The following LGR4 variants were observed in gnomAD, a reference collection of about 807,000 sequenced individuals.
LGR4 encodes the protein leucine-rich repeat-containing G protein-coupled receptor 4.
LGR4 carries 44 observed loss-of-function variants against 84.8 expected under a neutral mutation model. The observed-to-expected ratio is 0.52, with a 90% CI of 0.41 to 0.67. The LOEUF (loss-of-function observed/expected upper bound fraction) is 0.67. LGR4 is among the 30% of genes least tolerant of loss of function. The probability of loss-of-function intolerance (pLI) is 0.00; values close to 1 mark genes in which losing one functional copy is unlikely to be tolerated. For missense variants in LGR4, 1,032 were observed against 1,131.4 expected (o/e 0.91, Z 1.26); for synonymous variants, 429 against 434.3 (o/e 0.99, Z 0.15).
rs1268530128 is a variant in LGR4 at position 27,368,428 on chromosome 11, A to G, written c.2295T>C (p.Phe765=). 6.2e-7 allele frequency: 1 copy of G among 1,614,224 alleles called. No individual in the cohort carries two copies. The highest frequency in any genetic ancestry group is 2.2e-5 in the East Asian group (1 of 44,888). The change falls in exon 18 of 18, where the codon TTT becomes TTC. Residue 765 remains phenylalanine (F), a synonymous_variant. Coordinates refer to ENST00000379214, the MANE Select transcript of LGR4 (RefSeq NM_018490.5). ...CAGTGATCAATGGTGCAAATGAAAA[A>G]AACGCCACAGGGCAGAAAAAGATGC... ...TNCIFFCPVA[F]FSFAPLITAI...
intron 4 of LGR4, 103 bp downstream of exon 4, chr11:27,390,991 A>G: frequency 1.4e-6 from 1 of 694,556 alleles, no homozygotes; most frequent in Non-Finnish European, 2.4e-6. Context: ...TTTTTATCTC[A>G]GATGAAAGGA....
intron 1 of LGR4, among the ~76,000 whole-genome samples, chr11:27,460,297 C>T (rs1864657970): frequency 6.6e-6 from 1 of 152,086 alleles, no homozygotes; most frequent in Non-Finnish European, 1.5e-5. Flanking sequence ...GTCATTGCAG[C>T]AGTGTTTGGC....
At chr11:27,447,196 A>T (rs114997637) in intron 1 of LGR4, among the ~76,000 whole-genome samples, 6,945 of 151,994 alleles carry the variant, frequency 0.046, 375 homozygotes, top group African/African-American at 0.13. Context: ...ATAATAATAA[A>T]AAAAAGCGCT....
intron 2 of LGR4, among the ~76,000 whole-genome samples, chr11:27,393,762 G>A (rs1215795075): frequency 1.3e-5 from 2 of 151,754 alleles, no homozygotes; most frequent in Admixed American, 1.3e-4. Context: ...CTGATTTTAG[G>A]GATACAAGAA....
At chr11:27,434,108 C>T (rs1864165136) in intron 1 of LGR4, among the ~76,000 whole-genome samples, 1 of 152,230 alleles carries the variant, frequency 6.6e-6, no homozygotes, top group African/African-American at 2.4e-5. Flanking sequence ...TACTATCCTA[C>T]ATATACTAGG....
chr11:27,384,336 A>G lies in LGR4; in HGVS notation c.689T>C (p.Leu230Ser). 1 of 1,589,890 alleles carries G rather than the reference A, an allele frequency of 6.3e-7. No individual in the cohort carries two copies. Among genetic ancestry groups the G allele is most frequent in the Non-Finnish European group, 8.6e-7 (1 of 1,159,368 alleles). Reference protein sequence around the residue: ...CFDGLDNLETLDLNYNNLGEF... With the variant: ...CFDGLDNLETSDLNYNNLGEF... ...TTGCCCAAAATATGAATATACTTAC[A>G]AGGTCTCCAGGTTATCTAGTCCATC... Residue 230 changes from leucine (L) to serine (S), a missense_variant and splice_region_variant, in exon 6 of 18, where the codon TTA becomes TCA. Leu to Ser is a moderately radical substitution (Grantham distance 145). Transcript: ENST00000379214.
rs1862793904 is a variant in LGR4, at chr11:27,367,771, A to T, written c.*96T>A. On this transcript the variant is annotated 3_prime_UTR_variant, in exon 18 of 18. Transcript: ENST00000379214. ...TTCTTCTAAGTGACACCAGGCAGTG[A>T]TTACAGAAGTGCTTCCCAGATGAAA... 1.1e-6 allele frequency: 1 copy of T among 870,028 alleles called. No homozygotes were observed. The highest frequency in any genetic ancestry group is 2.5e-5 in the East Asian group (1 of 40,602). 53.9% of individuals were successfully genotyped at this position (870,028 alleles called of 1,614,324 possible).
intron 1 of LGR4, among the ~76,000 whole-genome samples, chr11:27,471,039 T>G (rs752500014): frequency 5.3e-5 from 8 of 152,206 alleles, no homozygotes; most frequent in Non-Finnish European, 8.8e-5. Context: ...TCTCACACGT[T>G]TCTTCGACTG....
At chr11:27,371,756 T>C (rs1862887949) in intron 16 of LGR4, 58 bp from the exon 17 acceptor site, 7 of 1,281,080 alleles carry the variant, frequency 5.5e-6, no homozygotes, top group African/African-American at 1.5e-5. Flanking sequence ...AAAAGAACCA[T>C]ATTTTCCTGC....
chr11:27,460,844 T>C (rs1402466368), intron 1 of LGR4, among the ~76,000 whole-genome samples: 3 of 152,198 alleles, frequency 2.0e-5, no homozygotes, highest in East Asian at 3.9e-4. Flanking sequence ...AAGCTATTCA[T>C]GTGTAACCAG....
At chr11:27,374,517 C>T (rs2133363670) in intron 13 of LGR4, among the ~76,000 whole-genome samples, 1 of 152,256 alleles carries the variant, frequency 6.6e-6, no homozygotes, top group East Asian at 1.9e-4. Flanking sequence ...AGATACCCTT[C>T]TTTTCCTAAG....
At chr11:27,420,171 T>C (rs927173060) in intron 1 of LGR4, among the ~76,000 whole-genome samples, 1 of 152,160 alleles carries the variant, frequency 6.6e-6, no homozygotes, top group Non-Finnish European at 1.5e-5. Flanking sequence ...AAAAAAATAA[T>C]TCATCCTATG....
At chr11:27,454,878 G>A (rs1373751869) in intron 1 of LGR4, among the ~76,000 whole-genome samples, 1 of 152,000 alleles carries the variant, frequency 6.6e-6, no homozygotes, top group Non-Finnish European at 1.5e-5. Context: ...AGACAAGGAA[G>A]AAGCACAGGA....
In LGR4 at chr11:27,366,439, T is replaced by C. The variant is rs1330452631; in HGVS notation, c.*1428A>G. On this transcript the variant is annotated 3_prime_UTR_variant, in exon 18 of 18. Transcript: ENST00000379214. ...ATGAACAGAAGCCACATTTCCCAAC[T>C]TGTGTTCTAAAAATAATTTACATAA... is the stretch of plus-strand genomic sequence containing the variant. 6.6e-6 allele frequency: 1 copy of C among 152,578 alleles called. No individual in the cohort carries two copies. The highest frequency in any genetic ancestry group is 1.9e-4 in the East Asian group (1 of 5,204). The allele number at this position is 152,578 out of a possible 1,614,324, so 9.5% of individuals were successfully genotyped here. A position where few individuals can be genotyped will look rare whatever the true frequency, so the allele number is the denominator to read the frequency against.
chr11:27,375,208 T>C (rs1458554892), intron 13 of LGR4, among the ~76,000 whole-genome samples: 3 of 150,628 alleles, frequency 2.0e-5, no homozygotes, highest in Non-Finnish European at 4.4e-5. Flanking sequence ...GGCAGGAGGA[T>C]TGTTTGAGCT....
chr11:27,378,054 G>A lies in LGR4; in HGVS notation c.1043+643C>T, dbSNP rs576119363. ...GCCCAGGTGTGTAGAAGAAACCACC[G>A]AGGTTTGTGTAAGCATACTCTATGA... On this transcript the variant is annotated intron_variant, in intron 11 of 17. Coordinates refer to ENST00000379214, the MANE Select transcript of LGR4 (RefSeq NM_018490.5). 2.0e-4 allele frequency among the ~76,000 whole-genome samples: 31 copies of A among 152,198 alleles called. No individual in the cohort carries two copies. The South Asian group carries it at 2.5e-3, about 12-fold the overall frequency.
intron 1 of LGR4, among the ~76,000 whole-genome samples, chr11:27,461,129 A>C (rs1448463785): frequency 1.3e-5 from 2 of 152,182 alleles, no homozygotes; most frequent in Non-Finnish European, 2.9e-5. Flanking sequence ...TAATACTTTA[A>C]AGAAAGGATT....
rs1364662796 is a variant in LGR4, at chr11:27,472,127, G to T, written c.176C>A (p.Thr59Asn). Residue 59 changes from threonine (T) to asparagine (N), a missense_variant, in exon 1 of 18, where the codon ACC (threonine) becomes AAC (asparagine). Transcript: ENST00000379214. ...TAVPEGLSAF[T>N]QALDISMNNI... ...CGCCGCCCGCACTCACAGCGCTTGG[G>T]TGAAGGCGCTGAGCCCCTCGGGCAC... 1.5e-6 allele frequency: 2 copies of T among 1,357,918 alleles called. No individual in the cohort carries two copies. Among genetic ancestry groups the T allele is most frequent in the Admixed American group, 3.3e-5 (1 of 29,882 alleles). The allele number at this position is 1,357,918 out of a possible 1,614,324, so 84.1% of individuals were successfully genotyped here. A position where few individuals can be genotyped will look rare whatever the true frequency, so the allele number is the denominator to read the frequency against.
intron 1 of LGR4, among the ~76,000 whole-genome samples, chr11:27,422,061 C>T (rs546842520): frequency 7.2e-5 from 11 of 152,270 alleles, no homozygotes; most frequent in African/African-American, 9.6e-5. Context: ...GGTAACCCTA[C>T]GATGACAAAA....
Sources: allele counts gnomAD v4.1 joint callset (sites outside exome capture counted in the v4.1 genomes callset), GRCh38; gene constraint gnomAD v4.1.1; transcripts MANE v1.5; gene names NCBI Gene and HGNC (gene_info 2026-07-23, HGNC 2026-07-21).